The following DGCR2 variants were observed in gnomAD, a reference collection of about 807,000 sequenced individuals.
DGCR2 encodes the protein integral membrane protein DGCR2/IDD.
A neutral mutation model predicts 51.6 loss-of-function variants in DGCR2; 24 were observed. The observed-to-expected ratio is 0.47, with a 90% confidence interval of 0.34 to 0.65. The LOEUF (loss-of-function observed/expected upper bound fraction) is 0.65. Ranked by LOEUF, DGCR2 falls within the 30% of genes least tolerant of loss-of-function variation. The probability of loss-of-function intolerance (pLI) is 0.01; values close to 1 mark genes in which losing one functional copy is unlikely to be tolerated. For missense variants in DGCR2, 765 were observed against 772.1 expected (o/e 0.99, Z 0.11); for synonymous variants, 340 against 315.4 (o/e 1.08, Z -0.82).
intron 1 of DGCR2, among the ~76,000 whole-genome samples, chr22:19,105,249 G>C (rs1407851578): frequency 1.3e-5 from 2 of 152,170 alleles, no homozygotes; most frequent in Non-Finnish European, 2.9e-5. Flanking sequence ...GCTTGAACCT[G>C]GGAGGCAGAG....
At chr22:19,112,313 G>A (rs1212937253) in intron 1 of DGCR2, among the ~76,000 whole-genome samples, 1 of 149,150 alleles carries the variant, frequency 6.7e-6, no homozygotes. Flanking sequence ...TAATAAAACC[G>A]TTCAAAATTG....
intron 2 of DGCR2, among the ~76,000 whole-genome samples, chr22:19,069,925 A>G (rs1173262725): frequency 6.6e-6 from 1 of 152,218 alleles, no homozygotes; most frequent in African/African-American, 2.4e-5. Flanking sequence ...CTTTCAACAG[A>G]AAGTGAAGAC....
chr22:19,080,920 G>C (rs1256827396), intron 2 of DGCR2, among the ~76,000 whole-genome samples: 1 of 152,196 alleles, frequency 6.6e-6, no homozygotes, highest in Non-Finnish European at 1.5e-5. Flanking sequence ...CGAGTGCCAA[G>C]AGAATTCCAC....
chr22:19,092,221 G>C (rs1228696523), intron 1 of DGCR2, among the ~76,000 whole-genome samples: 2 of 152,060 alleles, frequency 1.3e-5, no homozygotes, highest in African/African-American at 4.8e-5. Context: ...GCACATGCCT[G>C]TGGTCCCAGC....
chr22:19,042,056 G>A, intron 7 of DGCR2, 97 bp from the exon 8 acceptor site: 2 of 1,410,040 alleles, frequency 1.4e-6, no homozygotes, highest in South Asian at 1.4e-5. Flanking sequence ...GGGCTGTGTG[G>A]ACAAGGCACA....
intron 5 of DGCR2, among the ~76,000 whole-genome samples, chr22:19,062,774 T>TATTCTCTCTCTCTCTCTC (rs1569052709): frequency 1.8e-5 from 2 of 113,872 alleles, no homozygotes; most frequent in Non-Finnish European, 3.8e-5. Context: ...CACACATGCA[T>TATTCTCTCTCTCTCTCTC]GCTCACTCTC....
chr22:19,105,662 C>A (rs1022799851), intron 1 of DGCR2, among the ~76,000 whole-genome samples: 1 of 151,706 alleles, frequency 6.6e-6, no homozygotes, highest in African/African-American at 2.4e-5. Context: ...CAGAAAGGGA[C>A]GCGGCTGGCG....
intron 1 of DGCR2, among the ~76,000 whole-genome samples, chr22:19,100,597 C>T (rs969153910): frequency 1.7e-4 from 25 of 147,334 alleles, no homozygotes; most frequent in Non-Finnish European, 3.0e-4. Context: ...ATCCGGGAGA[C>T]GGAGGTTGCA....
intron 5 of DGCR2, among the ~76,000 whole-genome samples, chr22:19,059,405 TG>T (rs2082636715): frequency 6.6e-6 from 1 of 151,964 alleles, no homozygotes; most frequent in Admixed American, 6.5e-5. Context: ...GATACTGCAC[TG>T]GGGATGACTC....
Position 19,038,579 on chromosome 22 carries a change from T to G in DGCR2, c.*286A>C. Reference sequence around the variant, plus strand: ...CCTTCTTCATTCCCTGCCTCTAACATGTGCGGTCTGAATGAATTTTGTCAC... The same window carrying G: ...CCTTCTTCATTCCCTGCCTCTAACAGGTGCGGTCTGAATGAATTTTGTCAC... On this transcript the variant is annotated 3_prime_UTR_variant, in exon 10 of 10. Transcript: ENST00000263196. 1 of 485,188 alleles carries G rather than the reference T, an allele frequency of 2.1e-6. No homozygotes were observed. The highest frequency in any genetic ancestry group is 3.7e-6 in the Non-Finnish European group (1 of 272,946). 30.1% of individuals were successfully genotyped at this position (485,188 alleles called of 1,614,324 possible). A position where few individuals can be genotyped will look rare whatever the true frequency, so the allele number is the denominator to read the frequency against.
chr22:19,062,608 G>C (rs1262267547), intron 5 of DGCR2, among the ~76,000 whole-genome samples: 4 of 152,080 alleles, frequency 2.6e-5, no homozygotes, highest in Non-Finnish European at 5.9e-5. Flanking sequence ...GGCACTGCTG[G>C]AGTATGTCCA....
chr22:19,065,176 T>C (rs1212072898), intron 3 of DGCR2, 109 bp from the exon 4 acceptor site: 20 of 941,302 alleles, frequency 2.1e-5, no homozygotes, highest in Non-Finnish European at 2.9e-5. Context: ...CCTAGAGAAG[T>C]GGGGAAACTG....
rs146460596 is a variant in DGCR2 at position 19,090,997 on chromosome 22, A to G, written c.80-1507T>C. On this transcript the variant is annotated intron_variant, in intron 1 of 9. Transcript: ENST00000263196. ...TACCTAAAACAAACTCACTTTATATAGGCATAAATAAGAGAAAATAAAAGA... is the reference window on the plus strand; with the variant it reads ...TACCTAAAACAAACTCACTTTATATGGGCATAAATAAGAGAAAATAAAAGA... Among the ~76,000 whole-genome samples, 64 of 135,236 alleles carry G rather than the reference A, an allele frequency of 4.7e-4. No homozygotes were observed. In the East Asian group the frequency reaches 0.014, roughly 29 times the overall value. The allele number at this position is 135,236 out of a possible 152,430, so 88.7% of individuals were successfully genotyped here.
At chr22:19,108,569 TAA>T (rs55803042) in intron 1 of DGCR2, among the ~76,000 whole-genome samples, 396 of 89,382 alleles carry the variant, frequency 4.4e-3, no homozygotes, top group Middle Eastern at 6.1e-3. Context: ...AGAATTTATC[TAA>T]AAAAAAAAAA....
intron 5 of DGCR2, among the ~76,000 whole-genome samples, chr22:19,062,386 G>A (rs982412667): frequency 1.3e-5 from 2 of 152,240 alleles, no homozygotes; most frequent in South Asian, 2.1e-4. Context: ...CAGGGAAGCC[G>A]GCCACCCAGG....
intron 1 of DGCR2, among the ~76,000 whole-genome samples, chr22:19,091,855 G>T (rs554987659): frequency 6.6e-6 from 1 of 152,060 alleles, no homozygotes; most frequent in East Asian, 1.9e-4. Flanking sequence ...CAGGAGAATC[G>T]CTTGAACCTG....
chr22:19,092,207 G>A (rs2083086159), intron 1 of DGCR2, among the ~76,000 whole-genome samples: 1 of 152,094 alleles, frequency 6.6e-6, no homozygotes, highest in Admixed American at 6.6e-5. Context: ...AGCCAGGTGT[G>A]GTGGCACATG....
intron 3 of DGCR2, 156 bp from the exon 4 acceptor site, chr22:19,065,223 T>A: frequency 1.6e-6 from 1 of 626,922 alleles, no homozygotes; most frequent in Admixed American, 2.8e-5. Context: ...TGAAACCACA[T>A]TGCAGAAATG....
At chr22:19,114,856 A>T (rs1402052969) in intron 1 of DGCR2, among the ~76,000 whole-genome samples, 2 of 152,234 alleles carry the variant, frequency 1.3e-5, no homozygotes, top group Admixed American at 6.5e-5. Context: ...CACCATACCC[A>T]CCAGAATACT....
Sources: gnomAD v4.1 joint callset for allele counts (sites outside exome capture counted in the v4.1 genomes callset) on GRCh38, gnomAD v4.1.1 for gene constraint, MANE v1.5 for transcripts, NCBI Gene and HGNC (gene_info 2026-07-23, HGNC 2026-07-21) for gene names.